The following PLCL1 variants were observed in gnomAD, a reference collection of about 807,000 sequenced individuals.
PLCL1 encodes phospholipase C like 1 (inactive).
A neutral mutation model predicts 84.4 loss-of-function variants in PLCL1; 41 were observed. The observed-to-expected ratio is 0.49, with a 90% CI of 0.38 to 0.63. PLCL1 has a LOEUF of 0.63. Ranked by LOEUF, PLCL1 falls within the 30% of genes least tolerant of loss-of-function variation. The probability of loss-of-function intolerance (pLI) is 0.00; values close to 1 mark genes in which losing one functional copy is unlikely to be tolerated. For synonymous variants in PLCL1, 490 were observed against 488.3 expected (o/e 1.00, Z -0.05); for missense variants, 1,206 against 1,367.8 (o/e 0.88, Z 1.87).
At chr2:198,043,881 C>CTTTATTTT (rs768678501) in intron 1 of PLCL1, among the ~76,000 whole-genome samples, 7 of 124,848 alleles carry the variant, frequency 5.6e-5, no homozygotes, top group African/African-American at 2.1e-4. Context: ...AATTCTTGTT[C>CTTTATTTT]TTTTTTTTTT....
At chr2:197,887,615 T>A (rs1687946314) in intron 1 of PLCL1, among the ~76,000 whole-genome samples, 1 of 152,108 alleles carries the variant, frequency 6.6e-6, no homozygotes, top group African/African-American at 2.4e-5. Flanking sequence ...TTGTATAAAT[T>A]TCAGAGGTAC....
At chr2:197,896,918 C>A (rs6718039) in intron 1 of PLCL1, among the ~76,000 whole-genome samples, 4 of 151,574 alleles carry the variant, frequency 2.6e-5, no homozygotes, top group African/African-American at 4.8e-5. Context: ...TTAAAATTAC[C>A]CTCTGTATTT....
chr2:198,068,125 G>C (rs1360115343), intron 1 of PLCL1, among the ~76,000 whole-genome samples: 2 of 151,996 alleles, frequency 1.3e-5, no homozygotes, highest in Admixed American at 6.6e-5. Flanking sequence ...ATTAATTAGA[G>C]CTCAGTCCCT....
At chr2:198,067,509 CT>C (rs1006068930) in intron 1 of PLCL1, among the ~76,000 whole-genome samples, 3 of 152,038 alleles carry the variant, frequency 2.0e-5, no homozygotes, top group East Asian at 3.9e-4. Flanking sequence ...AGTAACAGTT[CT>C]TTTTTTTCAA....
At chr2:198,101,560 G>A (rs149033914) in intron 4 of PLCL1, among the ~76,000 whole-genome samples, 200 bp downstream of exon 4, 44 of 152,090 alleles carry the variant, frequency 2.9e-4, no homozygotes, top group African/African-American at 9.9e-4. Context: ...TAGGTGGGTT[G>A]TATGTGAGCG....
At chr2:198,029,700 C>CCTCTTCT (rs140453366) in intron 1 of PLCL1, among the ~76,000 whole-genome samples, 5 of 97,648 alleles carry the variant, frequency 5.1e-5, no homozygotes, top group African/African-American at 8.0e-5. Flanking sequence ...CCTCTTCTCT[C>CCTCTTCT]CTCTTCTCTC....
chr2:197,990,495 G>C (rs1225683710), intron 1 of PLCL1, among the ~76,000 whole-genome samples: 1 of 152,142 alleles, frequency 6.6e-6, no homozygotes, highest in Non-Finnish European at 1.5e-5. Flanking sequence ...CACATGGCTG[G>C]GGAGGCCTCA....
intron 5 of PLCL1, among the ~76,000 whole-genome samples, chr2:198,133,558 T>TA (rs149723711): frequency 0.012 from 1,566 of 130,330 alleles, 9 homozygotes; most frequent in Non-Finnish European, 0.017. Context: ...AAAAGAAATC[T>TA]AAAAAAAAAA....
intron 1 of PLCL1, among the ~76,000 whole-genome samples, chr2:198,045,893 A>G (rs1691775431): frequency 1.3e-5 from 2 of 152,240 alleles, no homozygotes; most frequent in Non-Finnish European, 2.9e-5. Flanking sequence ...CAGGGTACAC[A>G]TGTACCATTT....
chr2:197,859,693 C>T (rs1273709686), intron 1 of PLCL1, among the ~76,000 whole-genome samples: 2 of 152,120 alleles, frequency 1.3e-5, no homozygotes, highest in African/African-American at 2.4e-5. Context: ...CAAATACTTA[C>T]TATTGTGTTA....
At chr2:198,014,616 A>T (rs905588377) in intron 1 of PLCL1, among the ~76,000 whole-genome samples, 1 of 152,076 alleles carries the variant, frequency 6.6e-6, no homozygotes, top group Non-Finnish European at 1.5e-5. Context: ...TTATGCTGAA[A>T]AATATATAAT....
chr2:197,996,326 G>A (rs1448523251), intron 1 of PLCL1, among the ~76,000 whole-genome samples: 1 of 152,132 alleles, frequency 6.6e-6, no homozygotes, highest in Non-Finnish European at 1.5e-5. Context: ...GGCATTTTTA[G>A]GGTAGTGAAA....
At chr2:197,820,895 T>G (rs547777813) in intron 1 of PLCL1, among the ~76,000 whole-genome samples, 7 of 152,270 alleles carry the variant, frequency 4.6e-5, no homozygotes, top group African/African-American at 1.7e-4. Flanking sequence ...GTATGGACAT[T>G]AAAGCTTAAC....
chr2:197,977,959 T>A (rs1180320342), intron 1 of PLCL1, among the ~76,000 whole-genome samples: 1 of 152,226 alleles, frequency 6.6e-6, no homozygotes, highest in African/African-American at 2.4e-5. Context: ...CTGCACACTT[T>A]AAGGTCTAAC....
intron 5 of PLCL1, among the ~76,000 whole-genome samples, chr2:198,133,478 T>C (rs922859231): frequency 3.4e-5 from 5 of 149,164 alleles, no homozygotes; most frequent in Non-Finnish European, 5.9e-5. Context: ...TATACATATG[T>C]AACTAACCTG....
chr2:197,885,064 G>A (rs955449514), intron 1 of PLCL1, among the ~76,000 whole-genome samples: 19 of 152,238 alleles, frequency 1.2e-4, no homozygotes, highest in African/African-American at 4.3e-4. Flanking sequence ...AGCCACAGTG[G>A]CTACCTTCCT....
chr2:197,990,477 T>C (rs59553483), intron 1 of PLCL1, among the ~76,000 whole-genome samples: 36,053 of 152,078 alleles, frequency 0.24, 4,510 homozygotes, highest in African/African-American at 0.33. Context: ...AATACCTAAG[T>C]GTGGTTCCAC....
rs534620035 is a variant in PLCL1, at chr2:197,916,461, G to A, written c.240+111122G>A. ...TTCTCATTTATAAAACAGAGATACT[G>A]ATAGTATTTACATTTAGGGTTGTTG... On this transcript the variant is annotated intron_variant, in intron 1 of 5. Transcript: ENST00000428675. Among the ~76,000 whole-genome samples, 32 of 152,224 alleles carry A rather than the reference G, an allele frequency of 2.1e-4. No individual in the cohort carries two copies. In the South Asian group the frequency reaches 5.6e-3, roughly 27 times the overall value.
chr2:197,832,063 A>T (rs968054615), intron 1 of PLCL1, among the ~76,000 whole-genome samples: 5 of 152,216 alleles, frequency 3.3e-5, no homozygotes, highest in African/African-American at 1.2e-4. Flanking sequence ...GGGAAGATCT[A>T]AAATCGACAC....
Sources: allele counts gnomAD v4.1 joint callset (sites outside exome capture counted in the v4.1 genomes callset), GRCh38; gene constraint gnomAD v4.1.1; transcripts MANE v1.5; gene names NCBI Gene and HGNC (gene_info 2026-07-23, HGNC 2026-07-21).